PGR: variants seen among roughly 807,000 people sequenced by gnomAD.
The protein encoded by PGR is progesterone receptor.
Under a neutral mutation model 76.1 loss-of-function variants are expected in PGR, and 25 were observed. The ratio of observed to expected loss-of-function variants is 0.33; its 90% CI spans 0.24 to 0.46. The LOEUF (loss-of-function observed/expected upper bound fraction) is 0.46. PGR is among the 20% of genes least tolerant of loss of function. The pLI, the probability that PGR is intolerant of heterozygous loss-of-function variation, is 1.00. For missense variants in PGR, 1,172 were observed against 1,225.3 expected, an observed-to-expected ratio of 0.96 and a Z score of 0.65; for synonymous variants, 579 against 535.0, an observed-to-expected ratio of 1.08 and a Z score of -1.14.
At chr11:101,109,115 T>C (rs546752327) in intron 2 of PGR, among the ~76,000 whole-genome samples, 1 of 152,338 alleles carries the variant, frequency 6.6e-6, no homozygotes, top group South Asian at 2.1e-4. Flanking sequence ...GCTCCACCAA[T>C]TGGCATTCTG....
rs116046762 is a variant in PGR, at chr11:101,056,745, A to T, written c.2213-5177T>A. On this transcript the variant is annotated intron_variant, in intron 4 of 7. Transcript: ENST00000325455. Reference sequence around the variant, plus strand: ...ATATGTAGGTTTTGGTTCTGTAAAAAATGTCATGTAATTGAAACAGATAAT... The same window carrying T: ...ATATGTAGGTTTTGGTTCTGTAAAATATGTCATGTAATTGAAACAGATAAT... 6.1e-3 allele frequency among the ~76,000 whole-genome samples: 936 copies of T among 152,288 alleles called. 12 individuals carry two copies. Among genetic ancestry groups the T allele is most frequent in the African/African-American group, 0.021 (883 of 41,556 alleles).
Position 101,127,591 on chromosome 11 carries a change from C to T in PGR, c.1480G>A (p.Gly494Ser), listed in dbSNP as rs767987713. 3.1e-6 allele frequency: 4 copies of T among 1,311,034 alleles called. No individual in the cohort carries two copies. Among genetic ancestry groups the T allele is most frequent in the Admixed American group, 4.0e-5 (1 of 24,710 alleles). The allele number at this position is 1,311,034 out of a possible 1,614,324, so 81.2% of individuals were successfully genotyped here. A position where few individuals can be genotyped will look rare whatever the true frequency, so the allele number is the denominator to read the frequency against. Reference sequence around the variant, plus strand: ...GCAGAGGCGGAGGTGGAGGGCAGGCCGTCCCGCGGGAGCAGGCAGCCGCTC... The same window carrying T: ...GCAGAGGCGGAGGTGGAGGGCAGGCTGTCCCGCGGGAGCAGGCAGCCGCTC... ...GASGCLLPRD[G>S]LPSTSASAAA... The change falls in exon 1 of 8, where the codon GGC (glycine) becomes AGC (serine). Residue 494 changes from glycine (G) to serine (S), a missense_variant. Physicochemically the swap from Gly to Ser is moderately conservative, Grantham distance 56. Coordinates refer to ENST00000325455, the MANE Select transcript of PGR (RefSeq NM_000926.4).
At chr11:101,088,637 A>G (rs1473830187) in intron 3 of PGR, among the ~76,000 whole-genome samples, 3 of 152,118 alleles carry the variant, frequency 2.0e-5, no homozygotes, top group Non-Finnish European at 2.9e-5. Context: ...CGGCCCTCAA[A>G]GAACTTAAAA....
chr11:101,067,562 C>T (rs11224580), intron 3 of PGR, among the ~76,000 whole-genome samples: 22,721 of 151,970 alleles, frequency 0.15, 3,136 homozygotes, highest in East Asian at 0.78. Context: ...TAAAGCCCAG[C>T]ATGAGCATGT....
rs1375927668 is a variant in PGR, at chr11:101,032,357, G to A, written c.*6759C>T. 4.3e-6 allele frequency: 1 copy of A among 232,486 alleles called. No homozygotes were observed. Among genetic ancestry groups the A allele is most frequent in the Non-Finnish European group, 8.5e-6 (1 of 117,732 alleles). The allele number at this position is 232,486 out of a possible 1,614,324, so 14.4% of individuals were successfully genotyped here. A position where few individuals can be genotyped will look rare whatever the true frequency, so the allele number is the denominator to read the frequency against. On this transcript the variant is annotated 3_prime_UTR_variant, in exon 8 of 8. Transcript: ENST00000325455. ...CAACTTTATTCTCCATATTCCAGTGGGAGTCTTCTAAAATATTCATATGAA... is the reference window on the plus strand; with the variant it reads ...CAACTTTATTCTCCATATTCCAGTGAGAGTCTTCTAAAATATTCATATGAA...
At chr11:101,080,360 T>C (rs948556839) in intron 3 of PGR, among the ~76,000 whole-genome samples, 2 of 149,982 alleles carry the variant, frequency 1.3e-5, no homozygotes, top group Non-Finnish European at 3.0e-5. Flanking sequence ...AGAATCAAAG[T>C]GAAAAGATCC....
intron 2 of PGR, among the ~76,000 whole-genome samples, chr11:101,109,919 C>T (rs1862292476): frequency 6.6e-6 from 1 of 152,202 alleles, no homozygotes; most frequent in Admixed American, 6.5e-5. Flanking sequence ...AGCCAATCCT[C>T]ATTTATCATT....
intron 4 of PGR, 23 bp downstream of exon 4, chr11:101,062,424 C>G: frequency 6.4e-7 from 1 of 1,551,300 alleles, no homozygotes; most frequent in South Asian, 1.1e-5. Context: ...TTATTACATG[C>G]TGTATATAAA....
At chr11:101,088,572 T>C (rs981093447) in intron 3 of PGR, among the ~76,000 whole-genome samples, 2 of 152,118 alleles carry the variant, frequency 1.3e-5, no homozygotes, top group African/African-American at 4.8e-5. Flanking sequence ...GAACTCATGA[T>C]CCACCTGCGT....
At chr11:101,098,862 C>G (rs1861915743) in intron 2 of PGR, among the ~76,000 whole-genome samples, 1 of 152,126 alleles carries the variant, frequency 6.6e-6, no homozygotes, top group African/African-American at 2.4e-5. Context: ...ACAGAAAATG[C>G]CAGGCAGCCA....
In PGR at chr11:101,127,764, T is replaced by C. The variant is rs765876911; in HGVS notation, c.1307A>G (p.Glu436Gly). ...GGCGGGTGCGGCCGTCACCGCCGCT[T>C]CCCCGGGTCTGGATGGGGTCGCTCG... is the stretch of plus-strand genomic sequence containing the variant. ...PPRATPSRPGEAAVTAAPASA... is the reference protein window; with the variant it reads ...PPRATPSRPGGAAVTAAPASA... Residue 436 changes from glutamate (E) to glycine (G), a missense_variant, in exon 1 of 8, where the codon GAA becomes GGA. By Grantham distance (98) the Glu-to-Gly change is moderately conservative (BLOSUM62 -2). Coordinates refer to ENST00000325455, the MANE Select transcript of PGR (RefSeq NM_000926.4). The C allele has an allele frequency of 1.3e-6, 2 of 1,561,272 alleles. No homozygotes were observed. Among genetic ancestry groups the C allele is most frequent in the Non-Finnish European group, 1.7e-6 (2 of 1,161,988 alleles).
intron 3 of PGR, among the ~76,000 whole-genome samples, chr11:101,073,763 C>T (rs2088668747): frequency 6.6e-6 from 1 of 152,098 alleles, no homozygotes; most frequent in Admixed American, 6.6e-5. Flanking sequence ...CACATACACC[C>T]TCCCAAGATG....
chr11:101,056,569 G>A (rs945118906), intron 4 of PGR, among the ~76,000 whole-genome samples: 1 of 146,744 alleles, frequency 6.8e-6, no homozygotes, highest in African/African-American at 2.5e-5. Context: ...GAGCCCAGGA[G>A]TTCTAAGCTG....
chr11:101,105,610 C>A (rs1862131854), intron 2 of PGR, among the ~76,000 whole-genome samples: 1 of 151,370 alleles, frequency 6.6e-6, no homozygotes, highest in East Asian at 1.9e-4. Context: ...ATTCCATGCT[C>A]ATGGGTAGGA....
chr11:101,062,841 T>C (rs1396435861), intron 3 of PGR, 89 bp from the exon 4 acceptor site: 21 of 837,050 alleles, frequency 2.5e-5, no homozygotes, highest in Non-Finnish European at 3.9e-5. Context: ...CTTAGAATCA[T>C]AGCATTATGC....
At chr11:101,050,205 C>A in intron 5 of PGR, 146 bp from the exon 6 acceptor site, 1 of 796,494 alleles carries the variant, frequency 1.3e-6, no homozygotes, top group Non-Finnish European at 2.0e-6. Context: ...TAAACAAACC[C>A]AATATTTGGA....
rs1859303501 is a variant in PGR at position 101,030,137 on chromosome 11, T to C, written c.*8979A>G. ...CTGGACAATGTACTTAGGGACCTAC[T>C]ACTTACTCAAAATAGGGTAGTAGCA... is the stretch of plus-strand genomic sequence containing the variant. On this transcript the variant is annotated 3_prime_UTR_variant, in exon 8 of 8. Coordinates refer to ENST00000325455, the MANE Select transcript of PGR (RefSeq NM_000926.4). 4.6e-6 allele frequency: 1 copy of C among 219,472 alleles called. No individual in the cohort carries two copies. The highest frequency in any genetic ancestry group is 5.8e-5 in the Admixed American group (1 of 17,312). 13.6% of individuals were successfully genotyped at this position (219,472 alleles called of 1,614,324 possible).
At chr11:101,073,707 A>T (rs1429236212) in intron 3 of PGR, among the ~76,000 whole-genome samples, 2 of 152,222 alleles carry the variant, frequency 1.3e-5, no homozygotes, top group East Asian at 3.8e-4. Flanking sequence ...AAACACCTCT[A>T]TGAAAATAAA....
At chr11:101,099,783 G>A (rs980399398) in intron 2 of PGR, among the ~76,000 whole-genome samples, 4 of 137,450 alleles carry the variant, frequency 2.9e-5, no homozygotes, top group Non-Finnish European at 6.5e-5. Context: ...AGAGCAGCCT[G>A]TAATCACCCA....
Sources: gnomAD v4.1 joint callset for allele counts (sites outside exome capture counted in the v4.1 genomes callset) on GRCh38, gnomAD v4.1.1 for gene constraint, MANE v1.5 for transcripts, NCBI Gene and HGNC (gene_info 2026-07-23, HGNC 2026-07-21) for gene names.